Variants in FBN2 observed in about 807,000 individuals in gnomAD.
FBN2 encodes the protein fibrillin 2.
In FBN2, 105 loss-of-function variants were observed where a neutral mutation model predicts 355.6. The ratio of observed to expected loss-of-function variants is 0.30; its 90% CI spans 0.25 to 0.35. FBN2 has a LOEUF of 0.35. Ranked by LOEUF, FBN2 falls within the 10% of genes least tolerant of loss-of-function variation. FBN2 has a pLI of 1.00. For missense variants in FBN2, 3,280 were observed against 3,758.7 expected (o/e 0.87, Z 3.33); for synonymous variants, 1,350 against 1,301.2 (o/e 1.04, Z -0.81).
intron 5 of FBN2, among the ~76,000 whole-genome samples, chr5:128,488,065 G>A (rs1755386326): frequency 2.0e-5 from 3 of 152,114 alleles, no homozygotes; most frequent in Admixed American, 2.0e-4. Flanking sequence ...TACTAAGCTA[G>A]GGTCCTTACT....
rs1180726296 is a variant in FBN2, at chr5:128,479,930, G to GTCTC, written c.629-15013_629-15010dup. ...CAACAGAACAAGACCTTGTCTCCTTGTCTCTCTCTCTCTCTCTCTCTCTCT... is the reference window on the plus strand; with the variant it reads ...CAACAGAACAAGACCTTGTCTCCTTGTCTCTCTCTCTCTCTCTCTCTCTCTCTCT... On this transcript the variant is annotated intron_variant, in intron 5 of 64. Transcript: ENST00000262464. Among the ~76,000 whole-genome samples the GTCTC allele has an allele frequency of 1.0e-3, 58 of 58,138 alleles. 1 individual carries two copies. Among genetic ancestry groups the GTCTC allele is most frequent in the East Asian group, 4.4e-3 (5 of 1,142 alleles). The allele number at this position is 58,138 out of a possible 152,430, so 38.1% of individuals were successfully genotyped here.
At chr5:128,265,533 ATTATTG>A (rs1765094027) in intron 62 of FBN2, among the ~76,000 whole-genome samples, 1 of 152,210 alleles carries the variant, frequency 6.6e-6, no homozygotes. Context: ...CTATGTGTGA[ATTATTG>A]TGAACAGGCT....
intron 15 of FBN2, among the ~76,000 whole-genome samples, chr5:128,370,929 C>A (rs1180357266): frequency 1.3e-5 from 2 of 152,088 alleles, no homozygotes; most frequent in Non-Finnish European, 2.9e-5. Context: ...CAGATCCCCA[C>A]AAGATGATCT....
At chr5:128,311,990 G>A in intron 37 of FBN2, 37 bp from the exon 38 acceptor site, 1 of 1,399,236 alleles carries the variant, frequency 7.1e-7, no homozygotes, top group Non-Finnish European at 1.0e-6. Context: ...TTTGATACCT[G>A]TGTCCAAGTG....
In FBN2 at chr5:128,277,945, ATGGTATTGATGCAC is replaced by A. The variant is rs1158839352; in HGVS notation, c.7392_7405del (p.Gln2464HisfsTer25). The A allele has an allele frequency of 6.2e-7, 1 of 1,614,070 alleles. No individual in the cohort carries two copies. Among genetic ancestry groups the A allele is most frequent in the Non-Finnish European group, 8.5e-7 (1 of 1,179,914 alleles). On this transcript the variant is annotated frameshift_variant, in exon 58 of 65. Coordinates refer to ENST00000262464, the MANE Select transcript of FBN2 (RefSeq NM_001999.4). LOFTEE classifies it high-confidence loss of function. ...CTTGCAGAAGCATCGGAATGAGCCC[ATGGTATTGATGCAC>A]TGACCATTGGTGCAGAGGTTTGGCA...
At chr5:128,304,904 T>A (rs964142200) in intron 45 of FBN2, 53 bp downstream of exon 45, 2 of 1,612,052 alleles carry the variant, frequency 1.2e-6, no homozygotes, top group Non-Finnish European at 1.7e-6. Context: ...AACTGTGATC[T>A]GTTCTGGAAC....
At chr5:128,397,878 C>A (rs549455537) in intron 8 of FBN2, among the ~76,000 whole-genome samples, 1 of 152,162 alleles carries the variant, frequency 6.6e-6, no homozygotes, top group East Asian at 1.9e-4. Flanking sequence ...CACTCTCCCC[C>A]AATACATAAC....
Position 128,472,419 on chromosome 5 carries a change from G to T in FBN2, c.629-7498C>A, listed in dbSNP as rs117835266. Among the ~76,000 whole-genome samples, 32 of 152,144 alleles carry T rather than the reference G, an allele frequency of 2.1e-4. 1 individual carries two copies. Among genetic ancestry groups the T allele is most frequent in the Admixed American group, 2.1e-3 (32 of 15,278 alleles). On this transcript the variant is annotated intron_variant, in intron 5 of 64. Coordinates refer to ENST00000262464, the MANE Select transcript of FBN2 (RefSeq NM_001999.4). ...GGGTAAGGAGATTTCTGTTTTACAA[G>T]ATAAAAAGACTTCTGTGGATGGATG...
chr5:128,329,457 C>T (rs1750634928), intron 33 of FBN2, among the ~76,000 whole-genome samples: 1 of 152,108 alleles, frequency 6.6e-6, no homozygotes, highest in Non-Finnish European at 1.5e-5. Context: ...GGTGGCCTGA[C>T]ATGCATTTTT....
At position 128,305,609 on chromosome 5, in the gene FBN2, T is replaced by G; in HGVS notation, c.5576A>C (p.Asn1859Thr). The part of the protein sequence containing the change: ...EDIDECSNGD[N>T]LCQRNADCIN... ...GCAGTCTGCATTCCGCTGGCAGAGA[T>G]TATCACCATTGCTGCACTCATCTAT... is the stretch of plus-strand genomic sequence containing the variant. The change falls in exon 44 of 65, where the codon AAT becomes ACT. Residue 1859 changes from asparagine to threonine, a missense_variant. This residue lies in a region of FBN2 where 2,284 missense variants were observed against 2,749.5 expected (regional missense o/e 0.83). Transcript: ENST00000262464. The G allele has an allele frequency of 1.2e-6, 2 of 1,613,972 alleles. No individual in the cohort carries two copies. The highest frequency in any genetic ancestry group is 1.1e-5 in the South Asian group (1 of 91,074).
Position 128,258,458 on chromosome 5 carries a change from A to T in FBN2, c.*997T>A, listed in dbSNP as rs891796299. On this transcript the variant is annotated 3_prime_UTR_variant, in exon 65 of 65. Transcript: ENST00000262464. ...TTGTTTGCACATATGGCAATCCTGA[A>T]ATAACTTGAACATAATAAATGCACC... 2.6e-5 allele frequency: 4 copies of T among 152,606 alleles called. No homozygotes were observed. Among genetic ancestry groups the T allele is most frequent in the African/African-American group, 9.7e-5 (4 of 41,448 alleles). 9.5% of individuals were successfully genotyped at this position (152,606 alleles called of 1,614,324 possible).
At chr5:128,416,982 A>G (rs1300060195) in intron 7 of FBN2, among the ~76,000 whole-genome samples, 1 of 152,158 alleles carries the variant, frequency 6.6e-6, no homozygotes, top group Non-Finnish European at 1.5e-5. Flanking sequence ...CTGATCTATA[A>G]GCATGGAATG....
chr5:128,492,829 A>G (rs13166716), intron 5 of FBN2, among the ~76,000 whole-genome samples: 13 of 144,018 alleles, frequency 9.0e-5, no homozygotes, highest in East Asian at 3.9e-4. Context: ...AAAAAAAAAA[A>G]GGGAAGAAAG....
At chr5:128,407,714 G>A (rs915210915) in intron 8 of FBN2, among the ~76,000 whole-genome samples, 2 of 152,162 alleles carry the variant, frequency 1.3e-5, no homozygotes, top group African/African-American at 2.4e-5. Context: ...TCAGGCCACA[G>A]TCCTTTTATT....
intron 7 of FBN2, among the ~76,000 whole-genome samples, chr5:128,426,065 T>C (rs1257435147): frequency 1.3e-5 from 2 of 152,170 alleles, no homozygotes; most frequent in Admixed American, 6.5e-5. Flanking sequence ...CCACACACTT[T>C]GATGTTCTCA....
intron 42 of FBN2, 60 bp downstream of exon 42, chr5:128,307,075 T>C (rs1479890148): frequency 9.4e-7 from 1 of 1,059,410 alleles, no homozygotes; most frequent in African/African-American, 1.6e-5. Flanking sequence ...AAACATAGAA[T>C]AGATTTTTAC....
intron 5 of FBN2, among the ~76,000 whole-genome samples, chr5:128,506,992 G>T (rs1311412557): frequency 6.6e-6 from 1 of 151,728 alleles, no homozygotes; most frequent in Non-Finnish European, 1.5e-5. Context: ...CTAAAATTTT[G>T]TTGAGAAATT....
chr5:128,406,117 G>A (rs958401868), intron 8 of FBN2, among the ~76,000 whole-genome samples: 1 of 152,138 alleles, frequency 6.6e-6, no homozygotes, highest in Non-Finnish European at 1.5e-5. Context: ...AACTCTCATA[G>A]AAAGCTGACA....
At chr5:128,350,120 G>C (rs1751307479) in intron 21 of FBN2, 115 bp from the exon 22 acceptor site, 5 of 847,224 alleles carry the variant, frequency 5.9e-6, no homozygotes, top group African/African-American at 1.7e-5. Flanking sequence ...TGCAAGGCAG[G>C]GTCTTAGGGT....
Sources: gnomAD v4.1 joint callset for allele counts (sites outside exome capture counted in the v4.1 genomes callset) on GRCh38, gnomAD v4.1.1 for gene constraint, gnomAD v4.1.1 regional missense constraint, MANE v1.5 for transcripts, NCBI Gene and HGNC (gene_info 2026-07-23, HGNC 2026-07-21) for gene names.